Variants in HCN1 observed in about 807,000 individuals in gnomAD.
HCN1 encodes the protein hyperpolarization activated cyclic nucleotide gated potassium channel 1.
A neutral mutation model predicts 78.9 loss-of-function variants in HCN1; 13 were observed. The ratio of observed to expected loss-of-function variants is 0.16; its 90% CI spans 0.11 to 0.26. The LOEUF is 0.26. Among genes scored for constraint, HCN1 ranks in the 10% least tolerant of loss-of-function variants. The pLI is 1.00. For missense variants in HCN1, 810 were observed against 1,154.3 expected, an observed-to-expected ratio of 0.70 and a Z score of 4.32; for synonymous variants, 552 against 455.5, an observed-to-expected ratio of 1.21 and a Z score of -2.70.
intron 3 of HCN1, among the ~76,000 whole-genome samples, chr5:45,428,719 A>C (rs1740401608): frequency 6.6e-6 from 1 of 152,118 alleles, no homozygotes; most frequent in Non-Finnish European, 1.5e-5. Flanking sequence ...TTGGAAACCA[A>C]ATTTGGGCTT....
At chr5:45,500,797 A>AG (rs1340914667) in intron 2 of HCN1, among the ~76,000 whole-genome samples, 1 of 152,186 alleles carries the variant, frequency 6.6e-6, no homozygotes, top group Non-Finnish European at 1.5e-5. Flanking sequence ...ATTTTATTTG[A>AG]GAAAAAAATA....
intron 1 of HCN1, among the ~76,000 whole-genome samples, chr5:45,667,500 A>C (rs1260698151): frequency 1.3e-5 from 2 of 152,048 alleles, no homozygotes; most frequent in African/African-American, 2.4e-5. Context: ...TAATGAGTTG[A>C]AAAACATTTT....
chr5:45,642,502 G>A (rs1019307531), intron 2 of HCN1: 1 of 151,904 alleles, frequency 6.6e-6, no homozygotes, highest in African/African-American at 2.4e-5. Flanking sequence ...CCTATAGAAG[G>A]CAGCAGCTTT....
chr5:45,570,349 G>A (rs1278608621), intron 2 of HCN1, among the ~76,000 whole-genome samples: 1 of 151,962 alleles, frequency 6.6e-6, no homozygotes, highest in East Asian at 1.9e-4. Flanking sequence ...TCTGGAACAT[G>A]GAATCTACTG....
At chr5:45,494,050 G>A (rs1430411736) in intron 2 of HCN1, among the ~76,000 whole-genome samples, 17 of 152,036 alleles carry the variant, frequency 1.1e-4, no homozygotes, top group East Asian at 7.7e-4. Flanking sequence ...GAATAATGCC[G>A]CAATAAACAT....
chr5:45,572,910 T>G (rs1743863714), intron 2 of HCN1, among the ~76,000 whole-genome samples: 1 of 152,136 alleles, frequency 6.6e-6, no homozygotes. Context: ...ATGCATAAAA[T>G]GTAGAATAGG....
chr5:45,328,128 C>A (rs969932521), intron 5 of HCN1, among the ~76,000 whole-genome samples: 3 of 151,628 alleles, frequency 2.0e-5, no homozygotes, highest in Admixed American at 6.6e-5. Flanking sequence ...AACCCATTTG[C>A]TGTCAATCAG....
chr5:45,556,118 T>C (rs1743462409), intron 2 of HCN1, among the ~76,000 whole-genome samples: 1 of 151,780 alleles, frequency 6.6e-6, no homozygotes, highest in South Asian at 2.1e-4. Flanking sequence ...AAAGAAAACA[T>C]TAAGGAAACT....
intron 2 of HCN1, among the ~76,000 whole-genome samples, chr5:45,604,791 A>G (rs1393053059): frequency 6.6e-6 from 1 of 152,054 alleles, no homozygotes; most frequent in African/African-American, 2.4e-5. Context: ...AATAGGTACA[A>G]AATGACTTTC....
intron 2 of HCN1, 31 bp downstream of exon 2, chr5:45,645,154 T>A: frequency 6.6e-7 from 1 of 1,504,784 alleles, no homozygotes; most frequent in African/African-American, 1.4e-5. Context: ...TTTCATGATA[T>A]AGATTTAAAA....
chr5:45,383,598 G>A (rs1403527142), intron 4 of HCN1, among the ~76,000 whole-genome samples: 1 of 152,064 alleles, frequency 6.6e-6, no homozygotes, highest in Non-Finnish European at 1.5e-5. Flanking sequence ...GGAGGCTGAG[G>A]CAGGAGAATC....
chr5:45,309,889 TA>T, intron 5 of HCN1, among the ~76,000 whole-genome samples: 1 of 152,126 alleles, frequency 6.6e-6, no homozygotes, highest in South Asian at 2.1e-4. Context: ...TAGAATAAGT[TA>T]GGGAGGACTC....
chr5:45,677,364 T>C (rs1313167351), intron 1 of HCN1, among the ~76,000 whole-genome samples: 1 of 151,784 alleles, frequency 6.6e-6, no homozygotes, highest in Non-Finnish European at 1.5e-5. Flanking sequence ...TGCCTATCTG[T>C]AGAGCCTTGT....
intron 2 of HCN1, among the ~76,000 whole-genome samples, chr5:45,595,610 G>A (rs905358095): frequency 2.0e-4 from 31 of 152,038 alleles, no homozygotes; most frequent in Admixed American, 2.0e-4. Flanking sequence ...ATAGTCTAAA[G>A]ATATATTTAA....
chr5:45,488,368 A>AAG (rs1257036952), intron 2 of HCN1, among the ~76,000 whole-genome samples: 1 of 152,158 alleles, frequency 6.6e-6, no homozygotes, highest in Non-Finnish European at 1.5e-5. Context: ...GTAGCTCAAT[A>AAG]AGTACTTGTT....
At chr5:45,480,836 A>G (rs1741635162) in intron 2 of HCN1, among the ~76,000 whole-genome samples, 1 of 152,180 alleles carries the variant, frequency 6.6e-6, no homozygotes. Context: ...TGGATTAAAT[A>G]CCTCATTTGG....
At chr5:45,513,213 CA>C (rs1285495741) in intron 2 of HCN1, among the ~76,000 whole-genome samples, 3 of 151,766 alleles carry the variant, frequency 2.0e-5, no homozygotes, top group Non-Finnish European at 2.9e-5. Flanking sequence ...AATAGTGAAT[CA>C]AATATATTAC....
At chr5:45,308,222 C>A (rs1745776257) in intron 5 of HCN1, among the ~76,000 whole-genome samples, 1 of 152,076 alleles carries the variant, frequency 6.6e-6, no homozygotes, top group Admixed American at 6.6e-5. Flanking sequence ...TTCCTGAGGT[C>A]CTCACTAGAA....
intron 2 of HCN1, among the ~76,000 whole-genome samples, chr5:45,621,769 T>C (rs1158629910): frequency 6.6e-6 from 1 of 152,200 alleles, no homozygotes; most frequent in Non-Finnish European, 1.5e-5. Flanking sequence ...GTTTGAATCT[T>C]TGATTTTGCC....
Sources: gnomAD v4.1 joint callset for allele counts (sites outside exome capture counted in the v4.1 genomes callset) on GRCh38, gnomAD v4.1.1 for gene constraint, MANE v1.5 for transcripts, NCBI Gene and HGNC (gene_info 2026-07-23, HGNC 2026-07-21) for gene names.